LOXL2: variants seen among roughly 807,000 people sequenced by gnomAD.
The protein encoded by LOXL2 is lysyl oxidase like 2.
Under a neutral mutation model 93.0 loss-of-function variants are expected in LOXL2, and 70 were observed. The observed-to-expected ratio is 0.75, with a 90% CI of 0.62 to 0.92. LOXL2 has a LOEUF of 0.92. LOXL2 is among the 40% of genes least tolerant of loss of function. The pLI, the probability that LOXL2 is intolerant of heterozygous loss-of-function variation, is 0.00. For missense variants in LOXL2, 973 were observed against 1,054.9 expected (o/e 0.92, Z 1.08); for synonymous variants, 438 against 413.2 (o/e 1.06, Z -0.73).
rs201722179 is a variant in LOXL2 at position 23,341,237 on chromosome 8, C to T, written c.532-34G>A. ...AAAGAGGCGTGGAAGGAGAGGGTTA[C>T]CCTACTGGCCTGGCTGCAGAGACAC... On this transcript the variant is annotated intron_variant, in intron 3 of 13. Transcript: ENST00000389131. 7.1e-5 allele frequency: 110 copies of T among 1,550,570 alleles called. No individual in the cohort carries two copies. In the African/African-American group the frequency reaches 1.4e-3, roughly 20 times the overall value.
At position 23,333,638 on chromosome 8, in the gene LOXL2, AG is replaced by A. The variant is rs766223928; in HGVS notation, c.744-16del. On this transcript the variant is annotated splice_polypyrimidine_tract_variant and intron_variant, in intron 4 of 13. Coordinates refer to ENST00000389131, the MANE Select transcript of LOXL2 (RefSeq NM_002318.3). ...AGGCAAACATTCTGCAGACGATGGG[AG>A]GGGACAGGGGACCAGGGCATCATGA... 6.2e-6 allele frequency: 10 copies of A among 1,600,220 alleles called. No individual in the cohort carries two copies. The highest frequency in any genetic ancestry group is 8.6e-6 in the Non-Finnish European group (10 of 1,169,210).
intron 2 of LOXL2, 88 bp from the exon 3 acceptor site, chr8:23,360,353 G>GAAA: frequency 9.9e-7 from 1 of 1,005,040 alleles, no homozygotes; most frequent in South Asian, 1.7e-5. Context: ...CATGGAAAGA[G>GAAA]AATTTTTCTC....
At chr8:23,369,857 G>A (rs1287287642) in intron 1 of LOXL2, among the ~76,000 whole-genome samples, 1 of 152,080 alleles carries the variant, frequency 6.6e-6, no homozygotes, top group Non-Finnish European at 1.5e-5. Context: ...TCAGGGTCCT[G>A]GCCACTCATC....
chr8:23,318,425 GCACA>G (rs59051890), intron 8 of LOXL2, among the ~76,000 whole-genome samples: 8,072 of 145,756 alleles, frequency 0.055, 273 homozygotes, highest in African/African-American at 0.093. Flanking sequence ...TTGGTTGATA[GCACA>G]CACACACACA....
At chr8:23,311,465 C>A (rs1803318006) in intron 9 of LOXL2, among the ~76,000 whole-genome samples, 1 of 152,194 alleles carries the variant, frequency 6.6e-6, no homozygotes, top group African/African-American at 2.4e-5. Flanking sequence ...GTCATGTGAG[C>A]CTCTTATTAG....
chr8:23,387,949 C>G (rs375974804), intron 1 of LOXL2, among the ~76,000 whole-genome samples: 1 of 152,098 alleles, frequency 6.6e-6, no homozygotes, highest in Admixed American at 6.5e-5. Flanking sequence ...GACTCTGTCT[C>G]AAACAAACAA....
intron 9 of LOXL2, among the ~76,000 whole-genome samples, chr8:23,313,973 G>T (rs1803354125): frequency 9.7e-6 from 1 of 103,154 alleles, no homozygotes; most frequent in Non-Finnish European, 2.1e-5. Context: ...CCATCAAAAA[G>T]TGGGCGAAGG....
rs3779894 is a variant in LOXL2 at position 23,305,544 on chromosome 8, C to A, written c.1881-2147G>T. On this transcript the variant is annotated intron_variant, in intron 10 of 13. Transcript: ENST00000389131. ...CACCAGCACTACCCACCCATTCCCC[C>A]CAGGAAATAGAGAGCAGGACTCTGG... 8.5e-3 allele frequency among the ~76,000 whole-genome samples: 1,298 copies of A among 151,840 alleles called. 65 individuals carry two copies. In the East Asian group the frequency reaches 0.15, roughly 17 times the overall value.
intron 1 of LOXL2, chr8:23,402,726 C>G (rs1800168357): frequency 6.6e-6 from 1 of 151,900 alleles, no homozygotes; most frequent in South Asian, 2.1e-4. Flanking sequence ...GTTTCAGTCC[C>G]CACATTGACT....
At chr8:23,371,477 G>C (rs11135730) in intron 1 of LOXL2, among the ~76,000 whole-genome samples, 88,749 of 151,880 alleles carry the variant, frequency 0.58, 26,888 homozygotes, top group African/African-American at 0.74. Flanking sequence ...AACTGGCTGG[G>C]TGCAGTGGCT....
chr8:23,373,838 C>G (rs1195394147), intron 1 of LOXL2, among the ~76,000 whole-genome samples: 4 of 151,976 alleles, frequency 2.6e-5, no homozygotes, highest in Non-Finnish European at 4.4e-5. Context: ...CCCAGCCTGG[C>G]ACTGTCTCTC....
intron 1 of LOXL2, among the ~76,000 whole-genome samples, chr8:23,387,260 A>C (rs557916139): frequency 6.6e-6 from 1 of 152,368 alleles, no homozygotes; most frequent in East Asian, 1.9e-4. Context: ...ACATTCACAC[A>C]GATGATTCTA....
intron 1 of LOXL2, among the ~76,000 whole-genome samples, chr8:23,390,882 G>T (rs1425967845): frequency 6.6e-6 from 1 of 152,142 alleles, no homozygotes; most frequent in African/African-American, 2.4e-5. Flanking sequence ...AAGAAAAAGA[G>T]GTGTAATGGA....
chr8:23,299,416 G>C (rs968663038), intron 12 of LOXL2, among the ~76,000 whole-genome samples: 1 of 152,186 alleles, frequency 6.6e-6, no homozygotes, highest in Non-Finnish European at 1.5e-5. Context: ...TCCTCTCTCT[G>C]TAAAGTGACA....
At position 23,309,389 on chromosome 8, in the gene LOXL2, G is replaced by A. The variant is rs182148635; in HGVS notation, c.1880+279C>T. Among the ~76,000 whole-genome samples the A allele has an allele frequency of 2.0e-4, 30 of 152,334 alleles. No individual in the cohort carries two copies. The South Asian group carries it at 2.3e-3, about 12-fold the overall frequency. Reference sequence around the variant, plus strand: ...TGGAAACCATGGGCTGAAGGTCAACGAGGAGGGTATGGGCGCTCAAAACAA... The same window carrying A: ...TGGAAACCATGGGCTGAAGGTCAACAAGGAGGGTATGGGCGCTCAAAACAA... On this transcript the variant is annotated intron_variant, in intron 10 of 13. Coordinates refer to ENST00000389131, the MANE Select transcript of LOXL2 (RefSeq NM_002318.3).
rs4872105 is a variant in LOXL2 at position 23,323,039 on chromosome 8, C to A, written c.1151-758G>T. Reference sequence around the variant, plus strand: ...GAGAGTTCTGGAGACAGCTGGTATCCAGGCTTACTGAGGCCAAAAACCAAC... The same window carrying A: ...GAGAGTTCTGGAGACAGCTGGTATCAAGGCTTACTGAGGCCAAAAACCAAC... On this transcript the variant is annotated intron_variant, in intron 6 of 13. Transcript: ENST00000389131. Among the ~76,000 whole-genome samples the A allele has an allele frequency of 9.2e-5, 14 of 152,204 alleles. No individual in the cohort carries two copies. In the East Asian group the frequency reaches 2.7e-3, roughly 29 times the overall value.
intron 1 of LOXL2, among the ~76,000 whole-genome samples, chr8:23,387,349 G>C (rs983424489): frequency 3.3e-5 from 5 of 152,218 alleles, no homozygotes; most frequent in African/African-American, 1.2e-4. Context: ...CTTCACATTA[G>C]AGGGACTCGG....
At chr8:23,298,773 G>T in intron 13 of LOXL2, 63 bp downstream of exon 13, 1 of 997,998 alleles carries the variant, frequency 1.0e-6, no homozygotes, top group Non-Finnish European at 1.6e-6. Context: ...AGCTGCCTCT[G>T]GGTCCTTGAG....
intron 1 of LOXL2, among the ~76,000 whole-genome samples, chr8:23,390,399 T>C (rs1804823624): frequency 6.6e-6 from 1 of 152,216 alleles, no homozygotes; most frequent in Non-Finnish European, 1.5e-5. Flanking sequence ...ACTTGGCCCC[T>C]GGCCAAAGAG....
Sources: gnomAD v4.1 joint callset for allele counts (sites outside exome capture counted in the v4.1 genomes callset) on GRCh38, gnomAD v4.1.1 for gene constraint, MANE v1.5 for transcripts, NCBI Gene and HGNC (gene_info 2026-07-23, HGNC 2026-07-21) for gene names.